ENTREP2: variants seen among roughly 807,000 people sequenced by gnomAD.
The protein encoded by ENTREP2 is protein ENTREP2.
At chr15:29,411,842 C>T in the ENTREP2 span, among the ~76,000 whole-genome samples, 2 of 152,146 alleles carry the variant, frequency 1.3e-5, no homozygotes, top group Non-Finnish European at 2.9e-5. Context: ...GCCAATGATC[C>T]CAGAACCATT....
chr15:29,257,451 G>C, the ENTREP2 span, among the ~76,000 whole-genome samples: 3 of 152,138 alleles, frequency 2.0e-5, no homozygotes, highest in Admixed American at 2.0e-4. Flanking sequence ...ATTATAAGTA[G>C]TGTTGCAACG....
chr15:29,226,282 T>C, the ENTREP2 span, among the ~76,000 whole-genome samples: 1 of 152,208 alleles, frequency 6.6e-6, no homozygotes, highest in Non-Finnish European at 1.5e-5. Context: ...CTAGGAAAGT[T>C]TACTTTGCTA....
At chr15:29,237,713 T>TGTACAATGGTGCAGCTGCTCC in the ENTREP2 span, among the ~76,000 whole-genome samples, 1 of 152,160 alleles carries the variant, frequency 6.6e-6, no homozygotes, top group Non-Finnish European at 1.5e-5. Flanking sequence ...CTGCTGGAAA[T>TGTACAATGGTGCAGCTGCTCC]GTACAATGGT....
the ENTREP2 span, among the ~76,000 whole-genome samples, chr15:29,529,586 C>T: frequency 2.6e-5 from 4 of 151,908 alleles, no homozygotes; most frequent in African/African-American, 9.7e-5. Flanking sequence ...CACAGGTGAG[C>T]CATTACCACC....
the ENTREP2 span, among the ~76,000 whole-genome samples, chr15:29,320,130 C>G: frequency 6.6e-6 from 1 of 152,166 alleles, no homozygotes; most frequent in South Asian, 2.1e-4. Flanking sequence ...GCTAGAAACG[C>G]TTGTTAAGGT....
At chr15:29,481,357 C>CT in the ENTREP2 span, among the ~76,000 whole-genome samples, 1 of 152,126 alleles carries the variant, frequency 6.6e-6, no homozygotes, top group Non-Finnish European at 1.5e-5. Context: ...GCAGAGACTC[C>CT]TAATGGATGG....
At chr15:29,639,784 T>TTTG in the ENTREP2 span, among the ~76,000 whole-genome samples, 34 of 149,438 alleles carry the variant, frequency 2.3e-4, no homozygotes, top group African/African-American at 5.9e-4. Context: ...TTTTTTTTTT[T>TTTG]TGAGACGAAG....
the ENTREP2 span, among the ~76,000 whole-genome samples, chr15:29,409,565 T>A: frequency 6.0e-4 from 91 of 152,186 alleles, no homozygotes; most frequent in East Asian, 0.013. Context: ...CCTCAAGTGA[T>A]CTGCCCACCT....
the ENTREP2 span, among the ~76,000 whole-genome samples, chr15:29,557,003 TAA>T: frequency 2.0e-5 from 3 of 152,210 alleles, no homozygotes; most frequent in African/African-American, 7.2e-5. Context: ...TCGAAGCTGA[TAA>T]GTTTGTCTAT....
At chr15:29,502,467 G>A in the ENTREP2 span, among the ~76,000 whole-genome samples, 2 of 151,348 alleles carry the variant, frequency 1.3e-5, no homozygotes, top group Non-Finnish European at 3.0e-5. Context: ...TAAATGTAAG[G>A]GCTATAACTA....
At chr15:29,159,263 G>A in the ENTREP2 span, among the ~76,000 whole-genome samples, 21 of 152,228 alleles carry the variant, frequency 1.4e-4, no homozygotes, top group South Asian at 1.0e-3. Context: ...TTAAGGCGGC[G>A]TGTCTGAAGT....
the ENTREP2 span, chr15:29,265,832 C>T: frequency 6.6e-6 from 1 of 152,116 alleles, no homozygotes; most frequent in Non-Finnish European, 1.5e-5. Context: ...AAAACTATTT[C>T]CATACCTCAC....
At chr15:29,545,053 T>A in the ENTREP2 span, among the ~76,000 whole-genome samples, 6,462 of 152,264 alleles carry the variant, frequency 0.042, 472 homozygotes, top group African/African-American at 0.15. Flanking sequence ...TTGCCTTCCA[T>A]CGGGCTAAGC....
At chr15:29,267,531 G>A in the ENTREP2 span, 6 of 152,142 alleles carry the variant, frequency 3.9e-5, no homozygotes, top group African/African-American at 1.2e-4. Context: ...CAGTTTGCCA[G>A]ACAGCCCCAA....
chr15:29,176,674 C>T, the ENTREP2 span, among the ~76,000 whole-genome samples: 11 of 152,340 alleles, frequency 7.2e-5, no homozygotes, highest in East Asian at 1.9e-4. Context: ...CCCTGTTGGA[C>T]GGGGCAGCAC....
chr15:29,491,420 T>C, the ENTREP2 span, among the ~76,000 whole-genome samples: 201 of 152,290 alleles, frequency 1.3e-3, no homozygotes, highest in African/African-American at 4.7e-3. Flanking sequence ...TGCTAGCACA[T>C]TGTCACCTCT....
chr15:29,535,518 C>A, the ENTREP2 span, among the ~76,000 whole-genome samples: 2 of 151,364 alleles, frequency 1.3e-5, no homozygotes, highest in Non-Finnish European at 2.9e-5. Context: ...CCTGTCTCTA[C>A]AAAGAAAAAA....
the ENTREP2 span, among the ~76,000 whole-genome samples, chr15:29,672,223 A>G: frequency 1.3e-5 from 2 of 152,096 alleles, no homozygotes; most frequent in Non-Finnish European, 2.9e-5. Context: ...ACTGGCCTCA[A>G]GTGATTCACC....
the ENTREP2 span, among the ~76,000 whole-genome samples, chr15:29,347,295 T>TG: frequency 6.6e-6 from 1 of 152,340 alleles, no homozygotes; most frequent in East Asian, 1.9e-4. Flanking sequence ...CCTGAATAGC[T>TG]GGGACTATAG....
Sources: allele counts gnomAD v4.1 joint callset (sites outside exome capture counted in the v4.1 genomes callset), GRCh38; gene constraint gnomAD v4.1.1; transcripts MANE v1.5; gene names NCBI Gene and HGNC (gene_info 2026-07-23, HGNC 2026-07-21).